PDHX: variants seen among roughly 807,000 people sequenced by gnomAD.
PDHX encodes the protein pyruvate dehydrogenase protein X component, mitochondrial.
Under a neutral mutation model 55.3 loss-of-function variants are expected in PDHX, and 33 were observed. The observed-to-expected ratio is 0.60, with a 90% CI of 0.45 to 0.80. The LOEUF is 0.80. PDHX is among the 30% of genes least tolerant of loss of function. The probability of loss-of-function intolerance (pLI) is 0.00; values close to 1 mark genes in which losing one functional copy is unlikely to be tolerated. For synonymous variants in PDHX, 226 were observed against 219.4 expected (o/e 1.03, Z -0.27); for missense variants, 622 against 619.9 (o/e 1.00, Z -0.04).
At chr11:34,947,976 G>T (rs746665701) in intron 3 of PDHX, among the ~76,000 whole-genome samples, 26 of 152,144 alleles carry the variant, frequency 1.7e-4, no homozygotes, top group Non-Finnish European at 3.5e-4. Flanking sequence ...ACCTTTACTA[G>T]GTAGTATGGT....
intron 7 of PDHX, among the ~76,000 whole-genome samples, chr11:34,976,362 A>G (rs1855372710): frequency 6.6e-6 from 1 of 152,210 alleles, no homozygotes. Context: ...ATGTAACAGC[A>G]TCTCCTTTCA....
intron 2 of PDHX, among the ~76,000 whole-genome samples, chr11:34,942,713 G>A (rs764531068): frequency 6.6e-6 from 1 of 152,080 alleles, no homozygotes; most frequent in Non-Finnish European, 1.5e-5. Flanking sequence ...GATGAGTTAG[G>A]GGTAATGCTT....
At chr11:34,966,856 T>G in intron 6 of PDHX, 42 bp downstream of exon 6, 2 of 1,581,386 alleles carry the variant, frequency 1.3e-6, no homozygotes, top group Non-Finnish European at 1.7e-6. Context: ...TTTCTTGTTT[T>G]TCTTTTTTTT....
At chr11:34,993,424 C>T (rs538453212) in intron 10 of PDHX, among the ~76,000 whole-genome samples, 1 of 152,118 alleles carries the variant, frequency 6.6e-6, no homozygotes, top group African/African-American at 2.4e-5. Flanking sequence ...AAAGCATTTA[C>T]GTTACTTTTC....
chr11:34,960,467 T>C lies in PDHX; in HGVS notation c.590T>C (p.Leu197Pro), dbSNP rs763097165. The C allele has an allele frequency of 1.7e-5, 27 of 1,613,510 alleles. No homozygotes were observed. The highest frequency in any genetic ancestry group is 2.3e-5 in the Non-Finnish European group (27 of 1,179,702). ...CGCAATATTCTGGAAAAACACTCACTGGATGCTAGCCAGGGCACAGCCACT... is the reference window on the plus strand; with the variant it reads ...CGCAATATTCTGGAAAAACACTCACCGGATGCTAGCCAGGGCACAGCCACT... ...AARNILEKHS[L>P]DASQGTATGP... is the part of the protein sequence containing the mutation. The change falls in exon 5 of 11, where the codon CTG (leucine) becomes CCG (proline). Residue 197 changes from leucine to proline, a missense_variant. Leu to Pro is a moderately conservative substitution (Grantham distance 98, BLOSUM62 -3). Coordinates refer to ENST00000227868, the MANE Select transcript of PDHX (RefSeq NM_003477.3).
At chr11:34,963,234 C>T (rs1208239918) in intron 5 of PDHX, among the ~76,000 whole-genome samples, 1 of 152,032 alleles carries the variant, frequency 6.6e-6, no homozygotes, top group Non-Finnish European at 1.5e-5. Flanking sequence ...CATAGCTGTC[C>T]CCAAAATATC....
intron 3 of PDHX, among the ~76,000 whole-genome samples, chr11:34,956,808 ATAAT>A (rs763614309): frequency 9.9e-4 from 151 of 152,236 alleles, no homozygotes; most frequent in Non-Finnish European, 1.5e-3. Flanking sequence ...ATACAGGGAA[ATAAT>A]TAAATATAAA....
chr11:34,920,093 A>G (rs1255862384), intron 1 of PDHX, among the ~76,000 whole-genome samples: 1 of 152,214 alleles, frequency 6.6e-6, no homozygotes, highest in African/African-American at 2.4e-5. Flanking sequence ...AGGCTGAAGG[A>G]ACAGCAGAAA....
chr11:34,916,550 T>G, upstream of PDHX: 1 of 1,513,346 alleles, frequency 6.6e-7, no homozygotes, highest in Non-Finnish European at 8.8e-7. Context: ...CTGAGAGACC[T>G]AAAGGCACCG....
chr11:34,978,293 T>C (rs1050799574), intron 8 of PDHX, 111 bp downstream of exon 8: 4 of 720,552 alleles, frequency 5.6e-6, no homozygotes, highest in Admixed American at 4.4e-5. Context: ...TTTATAATTG[T>C]CTTGCTAAAA....
chr11:34,986,523 A>G (rs976189319), intron 9 of PDHX, among the ~76,000 whole-genome samples: 1 of 152,142 alleles, frequency 6.6e-6, no homozygotes, highest in Non-Finnish European at 1.5e-5. Context: ...AATGTTATGG[A>G]ACTTTATTGT....
At chr11:34,927,021 AG>A (rs1162834896) in intron 1 of PDHX, among the ~76,000 whole-genome samples, 2 of 152,056 alleles carry the variant, frequency 1.3e-5, no homozygotes, top group Non-Finnish European at 2.9e-5. Flanking sequence ...ATGTAAAAAA[AG>A]AGTAAAATAG....
chr11:34,994,538 GAT>G (rs1855818945), intron 10 of PDHX, among the ~76,000 whole-genome samples: 1 of 152,138 alleles, frequency 6.6e-6, no homozygotes, highest in Non-Finnish European at 1.5e-5. Context: ...ATTGCAATAT[GAT>G]GTTATGACAG....
intron 8 of PDHX, among the ~76,000 whole-genome samples, chr11:34,982,730 T>C (rs1339946006): frequency 6.6e-6 from 1 of 152,118 alleles, no homozygotes; most frequent in African/African-American, 2.4e-5. Context: ...CAGGAAGAAC[T>C]TGAATCTCTG....
At chr11:34,916,462 A>G (rs1481619980), upstream of PDHX, 2 of 1,460,688 alleles carry the variant, frequency 1.4e-6, no homozygotes, top group Admixed American at 2.6e-5. Flanking sequence ...TGAGATATCC[A>G]GCGGCGCACC....
intron 7 of PDHX, among the ~76,000 whole-genome samples, chr11:34,975,421 T>G (rs1855346422): frequency 6.6e-6 from 1 of 152,192 alleles, no homozygotes; most frequent in African/African-American, 2.4e-5. Context: ...CTATTTTTTT[T>G]GTTCATTCTT....
chr11:34,931,564 C>A, intron 2 of PDHX, 80 bp downstream of exon 2: 1 of 746,128 alleles, frequency 1.3e-6, no homozygotes, highest in Non-Finnish European at 2.4e-6. Context: ...CTAATCTGTC[C>A]TGTTATACAG....
intron 8 of PDHX, among the ~76,000 whole-genome samples, chr11:34,983,760 C>G (rs556051007): frequency 3.3e-5 from 5 of 152,018 alleles, no homozygotes; most frequent in East Asian, 1.9e-4. Flanking sequence ...AACCACTGCT[C>G]GATGAAATAA....
At chr11:34,928,035 T>C (rs976322567) in intron 1 of PDHX, among the ~76,000 whole-genome samples, 7 of 152,128 alleles carry the variant, frequency 4.6e-5, no homozygotes, top group African/African-American at 1.4e-4. Flanking sequence ...TAATAATAAA[T>C]GCAGAGGTTT....
Sources: gnomAD v4.1 joint callset for allele counts (sites outside exome capture counted in the v4.1 genomes callset) on GRCh38, gnomAD v4.1.1 for gene constraint, MANE v1.5 for transcripts, NCBI Gene and HGNC (gene_info 2026-07-23, HGNC 2026-07-21) for gene names.